The following SLX4IP variants were observed in gnomAD, a reference collection of about 807,000 sequenced individuals.
SLX4IP encodes protein SLX4IP.
Under a neutral mutation model 32.9 loss-of-function variants are expected in SLX4IP, and 34 were observed. The ratio of observed to expected loss-of-function variants is 1.03; its 90% confidence interval spans 0.79 to 1.38. The LOEUF (loss-of-function observed/expected upper bound fraction) is 1.38, where lower values mean the gene tolerates loss of function less well. Among genes scored for constraint, SLX4IP ranks in the 40% most tolerant of loss-of-function variants. The pLI, the probability that SLX4IP is intolerant of heterozygous loss-of-function variation, is 0.00. For missense variants in SLX4IP, 444 were observed against 479.0 expected (o/e 0.93, Z 0.68); for synonymous variants, 172 against 171.7 (o/e 1.00, Z -0.01).
intron 4 of SLX4IP, among the ~76,000 whole-genome samples, chr20:10,595,507 G>T (rs1041435191): frequency 9.2e-5 from 14 of 152,176 alleles, no homozygotes; most frequent in African/African-American, 3.4e-4. Context: ...AAGGACTTTT[G>T]GATCCTTTGC....
Position 10,621,357 on chromosome 20 carries a change from G to T in SLX4IP, c.449G>T (p.Cys150Phe). The change falls in exon 7 of 8, where the codon TGT becomes TTT. Residue 150 changes from cysteine (C) to phenylalanine (F), a missense_variant. Physicochemically the swap from Cys to Phe is radical, Grantham distance 205. Transcript: ENST00000334534. Reference sequence around the variant, plus strand: ...GGAGTGTCTGATTACTTTGCTGAGTGTGCAGAGAGTTCACTTCCTCCCAGT... The same window carrying T: ...GGAGTGTCTGATTACTTTGCTGAGTTTGCAGAGAGTTCACTTCCTCCCAGT... ...LHGVSDYFAECAESSLPPSAK... is the reference protein window; with the variant it reads ...LHGVSDYFAEFAESSLPPSAK... 1 of 1,614,200 alleles carries T rather than the reference G, an allele frequency of 6.2e-7. No individual in the cohort carries two copies. The highest frequency in any genetic ancestry group is 8.5e-7 in the Non-Finnish European group (1 of 1,180,028).
At chr20:10,448,056 C>A (rs1339736341) in intron 1 of SLX4IP, among the ~76,000 whole-genome samples, 1 of 149,730 alleles carries the variant, frequency 6.7e-6, no homozygotes, top group Non-Finnish European at 1.5e-5. Flanking sequence ...GCTAACCTTG[C>A]ACTCCTCAGA....
intron 1 of SLX4IP, among the ~76,000 whole-genome samples, chr20:10,437,850 A>C (rs2065127818): frequency 6.6e-6 from 1 of 152,200 alleles, no homozygotes; most frequent in African/African-American, 2.4e-5. Flanking sequence ...TTAGGAAATT[A>C]ACTCTAGAGC....
chr20:10,567,133 A>G (rs1161020377), intron 4 of SLX4IP, among the ~76,000 whole-genome samples: 1 of 152,124 alleles, frequency 6.6e-6, no homozygotes, highest in Non-Finnish European at 1.5e-5. Context: ...CCATGGCCAC[A>G]TTGCTTATGA....
rs377634241 is a variant in SLX4IP at position 10,504,798 on chromosome 20, G to A, written c.27+46567G>A. Among the ~76,000 whole-genome samples the A allele has an allele frequency of 9.3e-4, 141 of 152,184 alleles. 2 individuals are homozygous for A. The South Asian group carries it at 0.027, about 30-fold the overall frequency. On this transcript the variant is annotated intron_variant, in intron 2 of 7. Transcript: ENST00000334534. ...AGAGTACGCAACACACACCCAGGAG[G>A]GCTTAGGTAGCCGGAACTGTGGCGG...
intron 2 of SLX4IP, among the ~76,000 whole-genome samples, chr20:10,544,704 A>G (rs2122482947): frequency 6.6e-6 from 1 of 152,260 alleles, no homozygotes; most frequent in South Asian, 2.1e-4. Context: ...TTCTTTTTAA[A>G]GAAAATCATA....
chr20:10,517,747 T>C (rs1277202378), intron 2 of SLX4IP, among the ~76,000 whole-genome samples: 1 of 151,938 alleles, frequency 6.6e-6, no homozygotes, highest in Admixed American at 6.6e-5. Context: ...TCCCTGGAGG[T>C]GTGGAGAAGC....
At chr20:10,577,252 A>C (rs1311990055) in intron 4 of SLX4IP, among the ~76,000 whole-genome samples, 1 of 152,158 alleles carries the variant, frequency 6.6e-6, no homozygotes, top group Non-Finnish European at 1.5e-5. Flanking sequence ...TTCATAACAA[A>C]AGTGTACAGA....
chr20:10,580,709 C>T (rs1326856902), intron 4 of SLX4IP, among the ~76,000 whole-genome samples: 3 of 151,798 alleles, frequency 2.0e-5, no homozygotes, highest in Admixed American at 1.3e-4. Context: ...TGGATGGTTC[C>T]GGTTCGATTA....
chr20:10,518,435 C>CA (rs1568719984), intron 2 of SLX4IP, among the ~76,000 whole-genome samples: 1 of 62,668 alleles, frequency 1.6e-5, no homozygotes, highest in Non-Finnish European at 3.7e-5. Context: ...CTCCCTCCCT[C>CA]CTTCTTCCTT....
At chr20:10,613,236 C>T in intron 6 of SLX4IP, 1 of 589,312 alleles carries the variant, frequency 1.7e-6, no homozygotes, top group Non-Finnish European at 3.0e-6. Context: ...CAGGTGAGAC[C>T]TCACACAATG....
chr20:10,511,274 A>G (rs1355146626), intron 2 of SLX4IP, among the ~76,000 whole-genome samples: 1 of 152,144 alleles, frequency 6.6e-6, no homozygotes, highest in Non-Finnish European at 1.5e-5. Context: ...AGCTTTCTTC[A>G]TCATAGTCTC....
At chr20:10,459,181 G>A (rs930791992) in intron 2 of SLX4IP, among the ~76,000 whole-genome samples, 11 of 152,002 alleles carry the variant, frequency 7.2e-5, no homozygotes, top group South Asian at 6.2e-4. Flanking sequence ...GTCTATTTAC[G>A]TCCTTTGCCT....
At chr20:10,543,020 G>A (rs1472427050) in intron 2 of SLX4IP, among the ~76,000 whole-genome samples, 3 of 152,150 alleles carry the variant, frequency 2.0e-5, no homozygotes. Context: ...CCATTAATGG[G>A]TCCTGTGGTT....
chr20:10,470,343 A>C (rs144716027), intron 2 of SLX4IP, among the ~76,000 whole-genome samples: 12 of 152,318 alleles, frequency 7.9e-5, no homozygotes, highest in African/African-American at 2.6e-4. Flanking sequence ...ATTCCATTGA[A>C]ATGGCAAAAA....
At chr20:10,580,951 A>G (rs1329741157) in intron 4 of SLX4IP, among the ~76,000 whole-genome samples, 2 of 152,176 alleles carry the variant, frequency 1.3e-5, no homozygotes, top group Non-Finnish European at 2.9e-5. Flanking sequence ...GAAATGATTG[A>G]CAATAATTCC....
intron 2 of SLX4IP, among the ~76,000 whole-genome samples, chr20:10,520,076 T>TA (rs1456050469): frequency 3.3e-5 from 5 of 152,106 alleles, no homozygotes; most frequent in African/African-American, 1.2e-4. Flanking sequence ...ATTTTTGAGA[T>TA]AGAGTCTCAC....
intron 6 of SLX4IP, among the ~76,000 whole-genome samples, chr20:10,618,051 C>A (rs181518936): frequency 2.0e-5 from 3 of 152,304 alleles, no homozygotes; most frequent in African/African-American, 7.2e-5. Flanking sequence ...TCCTTTCTAT[C>A]CTGGAATTTA....
At chr20:10,503,388 G>A (rs1018486936) in intron 2 of SLX4IP, among the ~76,000 whole-genome samples, 1 of 152,202 alleles carries the variant, frequency 6.6e-6, no homozygotes, top group Admixed American at 6.5e-5. Context: ...CCTAGAAAGT[G>A]TGAGCCAGAC....
Sources: allele counts gnomAD v4.1 joint callset (sites outside exome capture counted in the v4.1 genomes callset), GRCh38; gene constraint gnomAD v4.1.1; transcripts MANE v1.5; gene names NCBI Gene and HGNC (gene_info 2026-07-23, HGNC 2026-07-21).